ARID4B: variants seen among roughly 807,000 people sequenced by gnomAD.
ARID4B encodes AT-rich interaction domain 4B, also known as AT-rich interactive domain-containing protein 4B.
Under a neutral mutation model 147.5 loss-of-function variants are expected in ARID4B, and 26 were observed. That is an observed-to-expected ratio of 0.18 (90% CI 0.13 to 0.24). ARID4B has a LOEUF of 0.24. ARID4B is among the 10% of genes least tolerant of loss of function. The pLI is 1.00. For synonymous variants in ARID4B, 512 were observed against 507.9 expected (o/e 1.01, Z -0.11); for missense variants, 1,179 against 1,511.5 (o/e 0.78, Z 3.65).
At chr1:235,181,548 C>A in intron 20 of ARID4B, 37 bp downstream of exon 20, 2 of 1,588,590 alleles carry the variant, frequency 1.3e-6, no homozygotes, top group South Asian at 1.1e-5. Context: ...AGAGGGGAAA[C>A]CCTAAAATAA....
chr1:235,309,876 AC>A (rs1006343079), intron 2 of ARID4B, among the ~76,000 whole-genome samples: 2 of 152,180 alleles, frequency 1.3e-5, no homozygotes, highest in East Asian at 1.9e-4. Flanking sequence ...GACCTTACTT[AC>A]CCCCAACCCT....
intron 18 of ARID4B, 35 bp from the exon 19 acceptor site, chr1:235,194,246 A>G (rs369490000): frequency 6.8e-6 from 10 of 1,466,548 alleles, no homozygotes; most frequent in Admixed American, 1.7e-5. Context: ...GTAATTTATC[A>G]TAAGGCATTT....
intron 1 of ARID4B, 109 bp downstream of exon 1, chr1:235,327,660 G>A (rs1331980975): frequency 2.6e-5 from 4 of 152,328 alleles, no homozygotes; most frequent in African/African-American, 9.7e-5. Context: ...CCCGAATTCG[G>A]GCGCCGCAGG....
intron 22 of ARID4B, among the ~76,000 whole-genome samples, chr1:235,174,939 A>C (rs1663750263): frequency 6.6e-6 from 1 of 151,974 alleles, no homozygotes. Context: ...CCCTGTCTCT[A>C]CTAAACACAC....
chr1:235,308,608 G>A (rs555731586), intron 2 of ARID4B, among the ~76,000 whole-genome samples: 1 of 152,198 alleles, frequency 6.6e-6, no homozygotes, highest in South Asian at 2.1e-4. Flanking sequence ...CCGAGTGCCC[G>A]CGATTGCAGG....
chr1:235,240,585 C>A lies in ARID4B; in HGVS notation c.447-134G>T, dbSNP rs192062037. 2.3e-3 allele frequency: 1,874 copies of A among 807,428 alleles called. 4 individuals are homozygous for A. The highest frequency in any genetic ancestry group is 3.2e-3 in the Non-Finnish European group (1,657 of 512,816). 50.0% of individuals were successfully genotyped at this position (807,428 alleles called of 1,614,324 possible). On this transcript the variant is annotated intron_variant, in intron 7 of 23. Transcript: ENST00000264183. ...AAAATGGCTAATTTAAATCTTAAAT[C>A]ATTTTCTAAATTTCTAAAAAATAAC...
intron 2 of ARID4B, among the ~76,000 whole-genome samples, chr1:235,287,652 G>A (rs1234632819): frequency 1.3e-5 from 2 of 152,018 alleles, no homozygotes; most frequent in South Asian, 2.1e-4. Context: ...TAATTCAACC[G>A]GCAGCTACTA....
In ARID4B at chr1:235,236,845, T is replaced by A. The variant is rs1244130195; in HGVS notation, c.586-2353A>T. Among the ~76,000 whole-genome samples, 28 of 36,486 alleles carry A rather than the reference T, an allele frequency of 7.7e-4. 1 individual carries two copies. In the East Asian group the frequency reaches 0.021, roughly 27 times the overall value. The allele number at this position is 36,486 out of a possible 152,430, so 23.9% of individuals were successfully genotyped here. ...CGGTTTTATAAAAAATATATATATA[T>A]ATATATATATATATATATTTTTTTT... On this transcript the variant is annotated intron_variant, in intron 8 of 23. Coordinates refer to ENST00000264183, the MANE Select transcript of ARID4B (RefSeq NM_016374.6).
At chr1:235,259,314 C>T (rs180835238) in intron 3 of ARID4B, among the ~76,000 whole-genome samples, 69 of 152,340 alleles carry the variant, frequency 4.5e-4, no homozygotes, top group African/African-American at 1.5e-3. Context: ...CCAGCCTTTG[C>T]TTTGTGGGCC....
In ARID4B at chr1:235,175,408, G is replaced by A; in HGVS notation, c.3449-9C>T. 1 of 1,591,110 alleles carries A rather than the reference G, an allele frequency of 6.3e-7. No homozygotes were observed. Among genetic ancestry groups the A allele is most frequent in the African/African-American group, 1.3e-5 (1 of 74,396 alleles). ...ACTATCACTACTATTTGCTGAAAGA[G>A]AAAGAAAAGATTTAATAAACAAAAA... On this transcript the variant is annotated splice_polypyrimidine_tract_variant and intron_variant, in intron 21 of 23. Transcript: ENST00000264183.
chr1:235,215,956 A>G (rs1304192280), intron 16 of ARID4B, among the ~76,000 whole-genome samples: 2 of 151,964 alleles, frequency 1.3e-5, no homozygotes, highest in Non-Finnish European at 2.9e-5. Context: ...ATATCTCTAT[A>G]TGCAACCTTT....
chr1:235,257,132 T>C (rs377498967), intron 4 of ARID4B, 28 bp downstream of exon 4: 2 of 1,513,660 alleles, frequency 1.3e-6, no homozygotes, highest in African/African-American at 1.4e-5. Flanking sequence ...AAACAACCAT[T>C]AGAATTAACA....
At chr1:235,171,660 A>G (rs1379272503) in intron 23 of ARID4B, among the ~76,000 whole-genome samples, 1 of 150,354 alleles carries the variant, frequency 6.7e-6, no homozygotes, top group Non-Finnish European at 1.5e-5. Context: ...TTTTTTTGAG[A>G]CAGAGTTTAG....
chr1:235,182,996 C>T (rs954444200), intron 19 of ARID4B, among the ~76,000 whole-genome samples: 6 of 151,890 alleles, frequency 4.0e-5, no homozygotes, highest in African/African-American at 9.7e-5. Context: ...ATTACGATCA[C>T]GGTGATGGTT....
intron 19 of ARID4B, among the ~76,000 whole-genome samples, chr1:235,184,671 AAAC>A (rs1404122925): frequency 2.0e-5 from 3 of 152,352 alleles, no homozygotes; most frequent in Non-Finnish European, 4.4e-5. Context: ...TAAATTATCA[AAAC>A]AATACATATA....
chr1:235,267,222 G>A (rs1028366691), intron 2 of ARID4B, among the ~76,000 whole-genome samples: 1 of 152,238 alleles, frequency 6.6e-6, no homozygotes, highest in Admixed American at 6.5e-5. Context: ...AGGCTGCAGT[G>A]AGCCATGACT....
intron 2 of ARID4B, among the ~76,000 whole-genome samples, chr1:235,295,209 T>A (rs1672607212): frequency 6.6e-6 from 1 of 152,074 alleles, no homozygotes; most frequent in Non-Finnish European, 1.5e-5. Context: ...ATTTTTAGCA[T>A]AAGATAAAAA....
chr1:235,239,864 G>A (rs947476481), intron 8 of ARID4B, among the ~76,000 whole-genome samples: 6 of 152,124 alleles, frequency 3.9e-5, no homozygotes, highest in Non-Finnish European at 5.9e-5. Context: ...ATTGAAGAGT[G>A]GGGTAATGTA....
intron 12 of ARID4B, among the ~76,000 whole-genome samples, chr1:235,223,624 A>AT (rs998390011): frequency 8.2e-5 from 12 of 147,164 alleles, no homozygotes; most frequent in African/African-American, 2.7e-4. Flanking sequence ...CTTTTATGGC[A>AT]TTTTCTTTGT....
Sources: gnomAD v4.1 joint callset for allele counts (sites outside exome capture counted in the v4.1 genomes callset) on GRCh38, gnomAD v4.1.1 for gene constraint, MANE v1.5 for transcripts, NCBI Gene and HGNC (gene_info 2026-07-23, HGNC 2026-07-21) for gene names.